LRRK1: variants seen among roughly 807,000 people sequenced by gnomAD.
The protein encoded by LRRK1 is leucine-rich repeat serine/threonine-protein kinase 1.
A neutral mutation model predicts 209.1 loss-of-function variants in LRRK1; 113 were observed. The observed-to-expected ratio is 0.54, with a 90% CI of 0.46 to 0.63. LRRK1 has a LOEUF of 0.63. Ranked by LOEUF, LRRK1 falls within the 30% of genes least tolerant of loss-of-function variation. The pLI, the probability that LRRK1 is intolerant of heterozygous loss-of-function variation, is 0.00. For synonymous variants in LRRK1, 1,144 were observed against 1,099.7 expected, an observed-to-expected ratio of 1.04 and a Z score of -0.80; for missense variants, 2,284 against 2,632.2, an observed-to-expected ratio of 0.87 and a Z score of 2.89.
At chr15:100,992,608 A>T (rs573606475) in intron 6 of LRRK1, among the ~76,000 whole-genome samples, 1 of 152,180 alleles carries the variant, frequency 6.6e-6, no homozygotes, top group East Asian at 1.9e-4. Flanking sequence ...ATTAATTTTC[A>T]CTTCTGTCTG....
rs960874750 is a variant in LRRK1 at position 101,076,877 on chromosome 15, T to G, written c.*8029T>G. ...CCTACAGGGTCTGAGAAGGCCACCA[T>G]GGTCATTTCTTCCCTTCTGTCAAAC... On this transcript the variant is annotated 3_prime_UTR_variant, in exon 34 of 34. Transcript: ENST00000388948. 6.6e-6 allele frequency: 1 copy of G among 152,158 alleles called. No individual in the cohort carries two copies. Among genetic ancestry groups the G allele is most frequent in the South Asian group, 2.1e-4 (1 of 4,830 alleles). The allele number at this position is 152,158 out of a possible 1,614,324, so 9.4% of individuals were successfully genotyped here. A position where few individuals can be genotyped will look rare whatever the true frequency, so the allele number is the denominator to read the frequency against.
intron 17 of LRRK1, among the ~76,000 whole-genome samples, chr15:101,026,629 G>A (rs1308482884): frequency 1.3e-5 from 2 of 152,244 alleles, no homozygotes; most frequent in Non-Finnish European, 1.5e-5. Context: ...GCCCTGGGCT[G>A]ACTGCCTGTC....
At chr15:101,030,379 A>G (rs1596298436) in intron 20 of LRRK1, among the ~76,000 whole-genome samples, 2 of 152,160 alleles carry the variant, frequency 1.3e-5, no homozygotes, top group Middle Eastern at 3.4e-3. Context: ...TTGGTCCTCC[A>G]TGCAGCTTTG....
At chr15:101,056,106 A>G (rs1258535576) in intron 27 of LRRK1, among the ~76,000 whole-genome samples, 2 of 152,218 alleles carry the variant, frequency 1.3e-5, no homozygotes, top group African/African-American at 4.8e-5. Flanking sequence ...TCACATTAAA[A>G]ATTCTCAAGT....
In LRRK1 at chr15:101,065,596, C is replaced by T; in HGVS notation, c.5159C>T (p.Ser1720Phe). Residue 1720 changes from serine (S) to phenylalanine (F), a missense_variant, in exon 32 of 34, where the codon TCC becomes TTC. By Grantham distance (155) the Ser-to-Phe change is radical. Coordinates refer to ENST00000388948, the MANE Select transcript of LRRK1 (RefSeq NM_024652.6). ...GPGLLVIDCA[S>F]LEICRRLEPY... is the part of the protein sequence containing the mutation. ...GGCCTCCTTGTCATCGACTGTGCCT[C>T]CCTGGAGATCTGCAGGCGGCTGGAG... The T allele has an allele frequency of 1.2e-6, 2 of 1,614,216 alleles. No homozygotes were observed. Among genetic ancestry groups the T allele is most frequent in the Non-Finnish European group, 1.7e-6 (2 of 1,180,034 alleles).
intron 21 of LRRK1, among the ~76,000 whole-genome samples, chr15:101,048,017 T>C (rs2035183304): frequency 6.6e-6 from 1 of 152,006 alleles, no homozygotes; most frequent in Admixed American, 6.5e-5. Context: ...TTTAATGGCA[T>C]AGGAAAGGTG....
intron 2 of LRRK1, among the ~76,000 whole-genome samples, chr15:100,950,823 G>T (rs2042629755): frequency 6.6e-6 from 1 of 152,192 alleles, no homozygotes; most frequent in Non-Finnish European, 1.5e-5. Flanking sequence ...AAAAGAGCAG[G>T]CCGGGCGCGG....
intron 17 of LRRK1, among the ~76,000 whole-genome samples, chr15:101,026,368 C>G (rs1263677615): frequency 1.3e-5 from 2 of 152,284 alleles, no homozygotes; most frequent in Non-Finnish European, 2.9e-5. Flanking sequence ...TGCCCCATCC[C>G]CGCCCCAAGG....
rs1349039201 is a variant in LRRK1 at position 101,029,142 on chromosome 15, T to A, written c.2873T>A (p.Leu958Gln). The A allele has an allele frequency of 6.2e-7, 1 of 1,614,092 alleles. No homozygotes were observed. The highest frequency in any genetic ancestry group is 8.5e-7 in the Non-Finnish European group (1 of 1,180,044). ...VIRAEDLRMLLVGTGFTQQTE... is the reference protein window; with the variant it reads ...VIRAEDLRMLQVGTGFTQQTE... ...AGAGCAGAAGACCTCAGGATGCTGC[T>A]GGTGGGGACTGGCTTCACGCAGCAG... The change falls in exon 20 of 34, where the codon CTG becomes CAG. Residue 958 changes from leucine (L) to glutamine (Q), a missense_variant. Leu to Gln is a moderately radical substitution (Grantham distance 113, BLOSUM62 -2). This residue lies in a region of LRRK1 where 780 missense variants were observed against 985.2 expected (regional missense o/e 0.79). Transcript: ENST00000388948.
chr15:101,005,787 C>CA (rs2032921150), intron 6 of LRRK1, among the ~76,000 whole-genome samples: 1 of 138,946 alleles, frequency 7.2e-6, no homozygotes, highest in South Asian at 2.2e-4. Flanking sequence ...ACTTGGGTGT[C>CA]AAAAAAATAA....
rs1406696926 is a variant in LRRK1, at chr15:101,026,135, A to G, written c.2403A>G (p.Leu801=). The stretch of plus-strand genomic sequence containing the variant: ...TCCCAGACATCACCTTCAAACACTT[A>G]CAGTGAGTGCCCAGCCTCGGGCAGC... The part of the protein sequence containing the change: ...TGFPDITFKH[L]HEISCKSLEG... Residue 801 remains leucine, a splice_region_variant and synonymous_variant, in exon 17 of 34, where the codon TTA becomes TTG. Transcript: ENST00000388948. 6.2e-7 allele frequency: 1 copy of G among 1,613,998 alleles called. No individual in the cohort carries two copies. Among genetic ancestry groups the G allele is most frequent in the Non-Finnish European group, 8.5e-7 (1 of 1,179,964 alleles).
intron 2 of LRRK1, among the ~76,000 whole-genome samples, chr15:100,939,662 T>C (rs1054798039): frequency 1.8e-4 from 28 of 152,336 alleles, no homozygotes; most frequent in African/African-American, 6.7e-4. Context: ...GGTTGCAAAG[T>C]GGTGTTATTT....
At chr15:100,946,790 G>T (rs1166175453) in intron 2 of LRRK1, among the ~76,000 whole-genome samples, 2 of 152,146 alleles carry the variant, frequency 1.3e-5, no homozygotes, top group Admixed American at 6.5e-5. Context: ...ATAAATTTAG[G>T]AGAACTTGAA....
Position 101,075,414 on chromosome 15 carries a change from TC to T in LRRK1, c.*6571del, listed in dbSNP as rs1365065440. Reference sequence around the variant, plus strand: ...GCCTCCTTTGTGTCCTCCTCTTGTATCCCCCGACCTTAACCCATAAGTATAA... The same window carrying T: ...GCCTCCTTTGTGTCCTCCTCTTGTATCCCCGACCTTAACCCATAAGTATAA... On this transcript the variant is annotated 3_prime_UTR_variant, in exon 34 of 34. Coordinates refer to ENST00000388948, the MANE Select transcript of LRRK1 (RefSeq NM_024652.6). 8.2e-6 allele frequency: 1 copy of T among 122,188 alleles called. No homozygotes were observed. Among genetic ancestry groups the T allele is most frequent in the African/African-American group, 3.8e-5 (1 of 26,560 alleles). 7.6% of individuals were successfully genotyped at this position (122,188 alleles called of 1,614,324 possible). A position where few individuals can be genotyped will look rare whatever the true frequency, so the allele number is the denominator to read the frequency against.
At chr15:101,067,967 C>CG (rs2036627631) in intron 33 of LRRK1, among the ~76,000 whole-genome samples, 1 of 152,206 alleles carries the variant, frequency 6.6e-6, no homozygotes, top group South Asian at 2.1e-4. Context: ...GGCAAGGCCA[C>CG]GCGGAGTGAG....
chr15:100,950,591 C>G (rs1178946070), intron 2 of LRRK1, among the ~76,000 whole-genome samples: 2 of 152,194 alleles, frequency 1.3e-5, no homozygotes, highest in African/African-American at 2.4e-5. Context: ...GCAATAGTTT[C>G]TCAGATACTA....
intron 2 of LRRK1, among the ~76,000 whole-genome samples, chr15:100,925,611 G>A (rs1389278405): frequency 6.6e-6 from 1 of 152,136 alleles, no homozygotes; most frequent in Non-Finnish European, 1.5e-5. Context: ...CAGATTTTCC[G>A]CTACACTTGC....
chr15:100,975,533 A>G (rs1373981914), intron 3 of LRRK1, among the ~76,000 whole-genome samples: 1 of 152,268 alleles, frequency 6.6e-6, no homozygotes, highest in African/African-American at 2.4e-5. Context: ...GAAGGTTCCT[A>G]GAAAGCTGCC....
At chr15:101,049,342 A>G in intron 22 of LRRK1, 1 of 305,790 alleles carries the variant, frequency 3.3e-6, no homozygotes, top group Non-Finnish European at 6.0e-6. Context: ...TGGACAGATG[A>G]GCATACTGAG....
Sources: allele counts gnomAD v4.1 joint callset (sites outside exome capture counted in the v4.1 genomes callset), GRCh38; gene constraint gnomAD v4.1.1; regional missense constraint gnomAD v4.1.1; transcripts MANE v1.5; gene names NCBI Gene and HGNC (gene_info 2026-07-23, HGNC 2026-07-21).